Variants in PELI1 observed in about 807,000 individuals in gnomAD.
The protein encoded by PELI1 is pellino E3 ubiquitin protein ligase 1.
In PELI1, 15 loss-of-function variants were observed where a neutral mutation model predicts 41.3. That is an observed-to-expected ratio of 0.36 (90% CI 0.24 to 0.56). The LOEUF (loss-of-function observed/expected upper bound fraction) is 0.56, where lower values mean the gene tolerates loss of function less well. Ranked by LOEUF, PELI1 falls within the 20% of genes least tolerant of loss-of-function variation. The pLI, the probability that PELI1 is intolerant of heterozygous loss-of-function variation, is 0.82. For synonymous variants in PELI1, 178 were observed against 180.1 expected, an observed-to-expected ratio of 0.99 and a Z score of 0.09; for missense variants, 403 against 525.5, an observed-to-expected ratio of 0.77 and a Z score of 2.28.
At chr2:64,095,608 A>C (rs957485229) in intron 6 of PELI1, among the ~76,000 whole-genome samples, 10 of 152,334 alleles carry the variant, frequency 6.6e-5, no homozygotes, top group African/African-American at 2.4e-4. Context: ...AGTTTAAGAA[A>C]GCTTAGGTTT....
At chr2:64,107,440 G>A (rs1680657110) in intron 2 of PELI1, among the ~76,000 whole-genome samples, 2 of 152,164 alleles carry the variant, frequency 1.3e-5, no homozygotes, top group Admixed American at 6.5e-5. Flanking sequence ...TAGGTCCTGG[G>A]CTTCAGAGGC....
At chr2:64,101,601 A>C (rs1328534677) in intron 3 of PELI1, among the ~76,000 whole-genome samples, 1 of 152,218 alleles carries the variant, frequency 6.6e-6, no homozygotes, top group East Asian at 1.9e-4. Flanking sequence ...AAAGAAGCTA[A>C]ATGAAAAAAT....
chr2:64,140,461 T>C (rs749460365), intron 1 of PELI1, among the ~76,000 whole-genome samples: 6 of 151,984 alleles, frequency 3.9e-5, no homozygotes, highest in Non-Finnish European at 7.4e-5. Flanking sequence ...TTCCGAAAAA[T>C]TGTCAATTCT....
intron 3 of PELI1, among the ~76,000 whole-genome samples, chr2:64,101,170 T>C (rs904750182): frequency 4.6e-5 from 7 of 152,172 alleles, no homozygotes; most frequent in Non-Finnish European, 8.8e-5. Flanking sequence ...ATCTTATTTT[T>C]GAAGTCATTC....
chr2:64,140,810 A>AAAAAAAAAAAC (rs1558490182), intron 1 of PELI1, among the ~76,000 whole-genome samples: 2 of 147,122 alleles, frequency 1.4e-5, no homozygotes, highest in African/African-American at 5.1e-5. Flanking sequence ...CAAACAAACA[A>AAAAAAAAAAAC]AAAAAAACCT....
chr2:64,117,752 C>G (rs1681047855), intron 1 of PELI1, among the ~76,000 whole-genome samples: 1 of 151,946 alleles, frequency 6.6e-6, no homozygotes, highest in African/African-American at 2.4e-5. Context: ...CTTTGGGTCA[C>G]AAAAAGTTTT....
At chr2:64,116,944 T>C (rs1681012981) in intron 1 of PELI1, among the ~76,000 whole-genome samples, 1 of 152,164 alleles carries the variant, frequency 6.6e-6, no homozygotes, top group Non-Finnish European at 1.5e-5. Flanking sequence ...TCTGTTATGG[T>C]GGTCTGTGAT....
chr2:64,096,417 A>T lies in PELI1; in HGVS notation c.497T>A (p.Leu166His). The change falls in exon 5 of 7, where the codon CTT (leucine) becomes CAT (histidine). Residue 166 changes from leucine to histidine, a missense_variant. Transcript: ENST00000358912. Reference protein sequence around the residue: ...AGFDSSKNIFLGEKAAKWKTS... With the variant: ...AGFDSSKNIFHGEKAAKWKTS... ...TTTAGAAAAAAAGCTTTTTACCCCA[A>T]GAAAGATGTTTTTTGATGAGTCAAA... The T allele has an allele frequency of 6.2e-7, 1 of 1,607,678 alleles. No homozygotes were observed. The highest frequency in any genetic ancestry group is 1.3e-5 in the African/African-American group (1 of 74,854).
chr2:64,103,682 A>G (rs1299532264), intron 3 of PELI1, among the ~76,000 whole-genome samples: 2 of 152,214 alleles, frequency 1.3e-5, no homozygotes, highest in East Asian at 1.9e-4. Context: ...ATCAAACTGG[A>G]TATAAAACAA....
chr2:64,141,161 A>C (rs1257282567), intron 1 of PELI1, among the ~76,000 whole-genome samples: 1 of 152,208 alleles, frequency 6.6e-6, no homozygotes, highest in Non-Finnish European at 1.5e-5. Flanking sequence ...AATGCTGCCA[A>C]CAATCTTTAC....
At chr2:64,096,983 A>T (rs1016754022) in intron 4 of PELI1, among the ~76,000 whole-genome samples, 1 of 152,204 alleles carries the variant, frequency 6.6e-6, no homozygotes. Flanking sequence ...ATTCTACCTT[A>T]TTTAACAGAA....
rs1447813092 is a variant in PELI1, at chr2:64,093,130, ATTT to A, written c.*1569_*1571del. The stretch of plus-strand genomic sequence containing the variant: ...ATTTCCTGAGTGAACCCAAATGATC[ATTT>A]TTTAAAACAAGGAAGTTTCGACAGT... On this transcript the variant is annotated 3_prime_UTR_variant, in exon 7 of 7. Transcript: ENST00000358912. 1 of 152,674 alleles carries A rather than the reference ATTT, an allele frequency of 6.5e-6. No individual in the cohort carries two copies. Among genetic ancestry groups the A allele is most frequent in the African/African-American group, 2.4e-5 (1 of 41,468 alleles). The allele number at this position is 152,674 out of a possible 1,614,324, so 9.5% of individuals were successfully genotyped here. A position where few individuals can be genotyped will look rare whatever the true frequency, so the allele number is the denominator to read the frequency against.
chr2:64,104,865 C>A, intron 2 of PELI1, 35 bp from the exon 3 acceptor site: 1 of 1,582,530 alleles, frequency 6.3e-7, no homozygotes, highest in Non-Finnish European at 8.6e-7. Flanking sequence ...TGATCTCTTG[C>A]AAGAACTGCA....
At chr2:64,126,470 T>C (rs931744284) in intron 1 of PELI1, among the ~76,000 whole-genome samples, 8 of 152,188 alleles carry the variant, frequency 5.3e-5, no homozygotes, top group African/African-American at 1.9e-4. Flanking sequence ...CGGGTCTCCC[T>C]ACTTTTAATT....
Position 64,094,694 on chromosome 2 carries a change from A to G in PELI1, c.*8T>C. 1.9e-6 allele frequency: 3 copies of G among 1,600,750 alleles called. No individual in the cohort carries two copies. The highest frequency in any genetic ancestry group is 1.7e-6 in the Non-Finnish European group (2 of 1,168,408). Reference sequence around the variant, plus strand: ...ATTTATAATGTAGTCCTGCAAGACAATGGTCTGTTAGTCTAGAGGTCCTTG... The same window carrying G: ...ATTTATAATGTAGTCCTGCAAGACAGTGGTCTGTTAGTCTAGAGGTCCTTG... On this transcript the variant is annotated 3_prime_UTR_variant, in exon 7 of 7. Coordinates refer to ENST00000358912, the MANE Select transcript of PELI1 (RefSeq NM_020651.4).
chr2:64,128,401 CAT>C (rs1192293603), intron 1 of PELI1, among the ~76,000 whole-genome samples: 6 of 152,198 alleles, frequency 3.9e-5, no homozygotes, highest in African/African-American at 7.2e-5. Flanking sequence ...TAAAGTTACA[CAT>C]GATATATTTT....
Position 64,096,215 on chromosome 2 carries a change from G to A in PELI1, c.600C>T (p.Asp200=). The A allele has an allele frequency of 1.2e-6, 2 of 1,613,906 alleles. No individual in the cohort carries two copies. The highest frequency in any genetic ancestry group is 8.5e-7 in the Non-Finnish European group (1 of 1,179,830). Residue 200 remains aspartate, a synonymous_variant, in exon 6 of 7, where the codon GAC becomes GAT. Transcript: ENST00000358912. ...VMHPRNGFTE[D]SKPGIWREIS... Reference sequence around the variant, plus strand: ...TTTCTCTCCATATTCCAGGCTTGGAGTCTTCTGTGAACCCATTGCGTGGAT... The same window carrying A: ...TTTCTCTCCATATTCCAGGCTTGGAATCTTCTGTGAACCCATTGCGTGGAT...
intron 4 of PELI1, among the ~76,000 whole-genome samples, chr2:64,097,478 A>C (rs928756209): frequency 6.6e-6 from 1 of 152,224 alleles, no homozygotes; most frequent in Non-Finnish European, 1.5e-5. Context: ...AGAGTTCTGG[A>C]TGAGTGAGGT....
At chr2:64,118,351 T>C (rs548868700) in intron 1 of PELI1, among the ~76,000 whole-genome samples, 4 of 152,288 alleles carry the variant, frequency 2.6e-5, no homozygotes, top group African/African-American at 9.6e-5. Flanking sequence ...ATCCATTTTA[T>C]ACCTACACAA....
Sources: gnomAD v4.1 joint callset for allele counts (sites outside exome capture counted in the v4.1 genomes callset) on GRCh38, gnomAD v4.1.1 for gene constraint, MANE v1.5 for transcripts, NCBI Gene and HGNC (gene_info 2026-07-23, HGNC 2026-07-21) for gene names.